The following NOM1 variants were observed in gnomAD, a reference collection of about 807,000 sequenced individuals.
NOM1 encodes the protein nucleolar protein with MIF4G domain 1.
NOM1 carries 58 observed loss-of-function variants against 73.3 expected under a neutral mutation model. The ratio of observed to expected loss-of-function variants is 0.79; its 90% confidence interval spans 0.64 to 0.99. NOM1 has a LOEUF of 0.99. Among genes scored for constraint, NOM1 ranks in the 50% least tolerant of loss-of-function variants. NOM1 has a pLI of 0.00. For missense variants in NOM1, 1,226 were observed against 1,131.9 expected (o/e 1.08, Z -1.19); for synonymous variants, 487 against 446.8 (o/e 1.09, Z -1.14).
At chr7:156,962,856 T>C (rs1277650666) in intron 5 of NOM1, 152 bp from the exon 6 acceptor site, 1 of 826,980 alleles carries the variant, frequency 1.2e-6, no homozygotes, top group African/African-American at 1.7e-5. Context: ...TTTGGCATTT[T>C]TCCAAACAGG....
At chr7:156,956,052 G>A (rs917491053) in intron 3 of NOM1, among the ~76,000 whole-genome samples, 6 of 152,128 alleles carry the variant, frequency 3.9e-5, no homozygotes, top group African/African-American at 1.4e-4. Context: ...AATTAGCCAG[G>A]CATGGTGGCG....
At position 156,954,077 on chromosome 7, in the gene NOM1, C is replaced by T. The variant is rs182105182; in HGVS notation, c.1113-26C>T. 198 of 1,574,494 alleles carry T rather than the reference C, an allele frequency of 1.3e-4. 2 individuals carry two copies. The East Asian group carries it at 4.3e-3, about 34-fold the overall frequency. On this transcript the variant is annotated intron_variant, in intron 2 of 10. Transcript: ENST00000275820. ...AAATTCCTAATTGGAAACATTGTTG[C>T]TCTCTGTCTTTACAATTCTCTGCAG...
In NOM1 at chr7:156,962,696, C is replaced by G. The variant is rs200716369; in HGVS notation, c.1744-312C>G. Reference sequence around the variant, plus strand: ...AGCCCCTGTCATCTCAAGTCCAAATCATTGCTGACCCAGGCTCTTCCAGGC... The same window carrying G: ...AGCCCCTGTCATCTCAAGTCCAAATGATTGCTGACCCAGGCTCTTCCAGGC... On this transcript the variant is annotated intron_variant, in intron 5 of 10. Coordinates refer to ENST00000275820, the MANE Select transcript of NOM1 (RefSeq NM_138400.2). 9.1e-4 allele frequency among the ~76,000 whole-genome samples: 139 copies of G among 152,296 alleles called. 1 individual carries two copies. Among genetic ancestry groups the G allele is most frequent in the Non-Finnish European group, 1.4e-3 (97 of 68,016 alleles).
Position 156,971,779 on chromosome 7 carries a change from G to A in NOM1, c.*2076G>A, listed in dbSNP as rs1318824127. On this transcript the variant is annotated 3_prime_UTR_variant, in exon 11 of 11. Transcript: ENST00000275820. ...CAACATGAACAACTGAATACAGAAA[G>A]TAACTGAAAGCAGCACAGAGACTGT... 6.6e-6 allele frequency: 1 copy of A among 152,262 alleles called. No individual in the cohort carries two copies. The highest frequency in any genetic ancestry group is 1.5e-5 in the Non-Finnish European group (1 of 68,058). The allele number at this position is 152,262 out of a possible 1,614,324, so 9.4% of individuals were successfully genotyped here.
At chr7:156,961,327 A>AAG (rs1246272091) in intron 4 of NOM1, among the ~76,000 whole-genome samples, 1 of 152,128 alleles carries the variant, frequency 6.6e-6, no homozygotes, top group Non-Finnish European at 1.5e-5. Context: ...TTTTGGGCTG[A>AAG]ATTGTGACGG....
At chr7:156,964,945 C>T (rs1485182198) in intron 7 of NOM1, among the ~76,000 whole-genome samples, 4 of 152,248 alleles carry the variant, frequency 2.6e-5, no homozygotes, top group Admixed American at 2.6e-4. Context: ...CTCTGGTTGA[C>T]TTCATGTGTT....
intron 3 of NOM1, among the ~76,000 whole-genome samples, chr7:156,955,913 G>A (rs1322235282): frequency 6.6e-6 from 1 of 152,176 alleles, no homozygotes; most frequent in African/African-American, 2.4e-5. Flanking sequence ...TTTGCCGGCC[G>A]GGCGCGGTGG....
rs371712065 is a variant in NOM1, at chr7:156,949,829, G to A, written c.92G>A (p.Arg31His). The A allele has an allele frequency of 3.8e-5, 55 of 1,447,024 alleles. No homozygotes were observed. In the African/African-American group the frequency reaches 7.0e-4, roughly 18 times the overall value. 89.6% of individuals were successfully genotyped at this position (1,447,024 alleles called of 1,614,324 possible). A position where few individuals can be genotyped will look rare whatever the true frequency, so the allele number is the denominator to read the frequency against. The stretch of plus-strand genomic sequence containing the variant: ...AAGCGCAGAGGCGGGCGCGGGCCGC[G>A]CCGCGGTCCTGCTGGCGGTGGGGAG... ...RMKRRGGRGPRRGPAGGGEKA... is the reference protein window; with the variant it reads ...RMKRRGGRGPHRGPAGGGEKA... The change falls in exon 1 of 11, where the codon CGC (arginine) becomes CAC (histidine). Residue 31 changes from arginine (R) to histidine (H), a missense_variant. Arg to His is a conservative substitution (Grantham distance 29). Coordinates refer to ENST00000275820, the MANE Select transcript of NOM1 (RefSeq NM_138400.2).
Position 156,967,019 on chromosome 7 carries a change from C to T in NOM1, c.2225C>T (p.Thr742Met), listed in dbSNP as rs561124942. Residue 742 changes from threonine to methionine, a missense_variant, in exon 9 of 11, where the codon ACG (threonine) becomes ATG (methionine). Thr to Met is a moderately conservative substitution (Grantham distance 81). Transcript: ENST00000275820. ...KFRDLENLPA[T>M]NFSNLVHLVA... The stretch of plus-strand genomic sequence containing the variant: ...CGGGACTTGGAAAACTTGCCAGCTA[C>T]GAATTTCTCTAATTTGGTTCATCTG... 35 of 1,613,724 alleles carry T rather than the reference C, an allele frequency of 2.2e-5. No homozygotes were observed. The highest frequency in any genetic ancestry group is 3.3e-5 in the Admixed American group (2 of 59,932).
In NOM1 at chr7:156,972,653, A is replaced by T. The variant is rs950736611; in HGVS notation, c.*2950A>T. On this transcript the variant is annotated 3_prime_UTR_variant, in exon 11 of 11. Coordinates refer to ENST00000275820, the MANE Select transcript of NOM1 (RefSeq NM_138400.2). ...GAGACCAGCCTGGCCAACATGGCAA[A>T]ACCCCGTCTCTATGAAAAATATAAA... 3 of 152,232 alleles carry T rather than the reference A, an allele frequency of 2.0e-5. No homozygotes were observed. The highest frequency in any genetic ancestry group is 7.2e-5 in the African/African-American group (3 of 41,442). 9.4% of individuals were successfully genotyped at this position (152,232 alleles called of 1,614,324 possible). A position where few individuals can be genotyped will look rare whatever the true frequency, so the allele number is the denominator to read the frequency against.
chr7:156,960,831 GGAGGAGTT>G (rs957868856), intron 4 of NOM1, among the ~76,000 whole-genome samples: 6 of 152,186 alleles, frequency 3.9e-5, no homozygotes, highest in Non-Finnish European at 7.3e-5. Context: ...GTCGAAGTCA[GGAGGAGTT>G]TTGCAGGAGC....
chr7:156,951,847 C>T (rs1302560490), intron 1 of NOM1, among the ~76,000 whole-genome samples: 1 of 151,976 alleles, frequency 6.6e-6, no homozygotes, highest in Non-Finnish European at 1.5e-5. Flanking sequence ...GCTGGGACTA[C>T]AGGCGCCCAC....
intron 2 of NOM1, 81 bp downstream of exon 2, chr7:156,952,679 A>T: frequency 2.8e-6 from 4 of 1,453,540 alleles, no homozygotes; most frequent in Non-Finnish European, 3.8e-6. Flanking sequence ...CCAGCAATTC[A>T]AATAGAAGTG....
At position 156,960,136 on chromosome 7, in the gene NOM1, GCCA is replaced by G. The variant is rs760389332; in HGVS notation, c.1595_1597del (p.Ala532_Ser533delinsGly). ...ATTGATCACTGAAGCCCAGACCAAA[GCCA>G]GCGGGGCAGGCAGCGAGTTTCAGGA... On this transcript the variant is annotated inframe_deletion, in exon 4 of 11. Coordinates refer to ENST00000275820, the MANE Select transcript of NOM1 (RefSeq NM_138400.2). The G allele has an allele frequency of 5.6e-6, 9 of 1,613,716 alleles. No individual in the cohort carries two copies. The highest frequency in any genetic ancestry group is 7.6e-6 in the Non-Finnish European group (9 of 1,179,962).
intron 3 of NOM1, among the ~76,000 whole-genome samples, chr7:156,957,774 C>CAAAA (rs10549596): frequency 4.3e-4 from 50 of 115,566 alleles, no homozygotes; most frequent in East Asian, 1.0e-3. Flanking sequence ...GACTCCGTCT[C>CAAAA]AAAAAAAAAA....
chr7:156,962,403 G>T, intron 5 of NOM1, 142 bp downstream of exon 5: 1 of 681,346 alleles, frequency 1.5e-6, no homozygotes, highest in Non-Finnish European at 2.6e-6. Flanking sequence ...AGTGAACGCG[G>T]CTCGGTTTTC....
Position 156,962,266 on chromosome 7 carries a change from G to C in NOM1, c.1743+5G>C, listed in dbSNP as rs1804884493. 6.2e-7 allele frequency: 1 copy of C among 1,607,986 alleles called. No individual in the cohort carries two copies. Among genetic ancestry groups the C allele is most frequent in the Non-Finnish European group, 8.5e-7 (1 of 1,174,616 alleles). On this transcript the variant is annotated splice_donor_5th_base_variant and intron_variant, in intron 5 of 10. Transcript: ENST00000275820. ...AGGAAACTGCAGAGAGCTTTGGTGAGTCAAGGAACTTTCAATTCTGTTTTG... is the reference window on the plus strand; with the variant it reads ...AGGAAACTGCAGAGAGCTTTGGTGACTCAAGGAACTTTCAATTCTGTTTTG...
At chr7:156,957,639 G>A (rs573738190) in intron 3 of NOM1, among the ~76,000 whole-genome samples, 1 of 152,002 alleles carries the variant, frequency 6.6e-6, no homozygotes, top group Non-Finnish European at 1.5e-5. Context: ...GCCAGGCATG[G>A]TGGCAGGTGC....
rs189748706 is a variant in NOM1 at position 156,972,711 on chromosome 7, T to A, written c.*3008T>A. The A allele has an allele frequency of 6.6e-6, 1 of 152,334 alleles. No individual in the cohort carries two copies. Among genetic ancestry groups the A allele is most frequent in the African/African-American group, 2.4e-5 (1 of 41,566 alleles). The allele number at this position is 152,334 out of a possible 1,614,324, so 9.4% of individuals were successfully genotyped here. ...TGGGCATGGTGGCAGGCACCTGTAA[T>A]CCCAGCTACTCGGGAGGCTGAGGCA... On this transcript the variant is annotated 3_prime_UTR_variant, in exon 11 of 11. Transcript: ENST00000275820.
Sources: gnomAD v4.1 joint callset for allele counts (sites outside exome capture counted in the v4.1 genomes callset) on GRCh38, gnomAD v4.1.1 for gene constraint, MANE v1.5 for transcripts, NCBI Gene and HGNC (gene_info 2026-07-23, HGNC 2026-07-21) for gene names.